Variants in MBOAT1 observed in about 807,000 individuals in gnomAD.
MBOAT1 encodes the protein membrane-bound glycerophospholipid O-acyltransferase 1.
Under a neutral mutation model 64.4 loss-of-function variants are expected in MBOAT1, and 67 were observed. The observed-to-expected ratio is 1.04, with a 90% CI of 0.85 to 1.27. The LOEUF (loss-of-function observed/expected upper bound fraction) is 1.27. Ranked by LOEUF, MBOAT1 falls within the 50% of genes most tolerant of loss-of-function variation. MBOAT1 has a pLI of 0.00. For missense variants in MBOAT1, 563 were observed against 604.6 expected (o/e 0.93, Z 0.72); for synonymous variants, 229 against 218.9 (o/e 1.05, Z -0.41).
chr6:20,206,615 C>G (rs573083705), intron 1 of MBOAT1, among the ~76,000 whole-genome samples: 4 of 152,198 alleles, frequency 2.6e-5, no homozygotes, highest in Non-Finnish European at 5.9e-5. Context: ...GGTCACACCC[C>G]CTCTGCTCCC....
chr6:20,181,622 C>G (rs1422365062), intron 1 of MBOAT1, among the ~76,000 whole-genome samples: 1 of 152,220 alleles, frequency 6.6e-6, no homozygotes, highest in Non-Finnish European at 1.5e-5. Context: ...TATCCACCTT[C>G]TAGAGAAAGA....
At chr6:20,150,039 T>C (rs1761443706) in intron 3 of MBOAT1, among the ~76,000 whole-genome samples, 2 of 152,200 alleles carry the variant, frequency 1.3e-5, no homozygotes, top group Non-Finnish European at 2.9e-5. Context: ...GAGAGAAATC[T>C]TTGTTTTCAT....
chr6:20,104,190 T>G (rs1759885555), intron 12 of MBOAT1, among the ~76,000 whole-genome samples: 2 of 152,216 alleles, frequency 1.3e-5, no homozygotes, highest in South Asian at 4.1e-4. Context: ...CTATCTAGTT[T>G]GTGCAAGTAC....
At chr6:20,207,132 G>A (rs1170598894) in intron 1 of MBOAT1, among the ~76,000 whole-genome samples, 2 of 152,236 alleles carry the variant, frequency 1.3e-5, no homozygotes, top group Non-Finnish European at 2.9e-5. Context: ...ATACTTGACA[G>A]TAGGTTGATT....
At chr6:20,117,056 G>T (rs1010684963) in intron 9 of MBOAT1, among the ~76,000 whole-genome samples, 1 of 152,218 alleles carries the variant, frequency 6.6e-6, no homozygotes, top group Non-Finnish European at 1.5e-5. Flanking sequence ...ACTGAGACAG[G>T]TCATTCTGAA....
At chr6:20,136,606 C>T (rs953834756) in intron 4 of MBOAT1, among the ~76,000 whole-genome samples, 1 of 152,148 alleles carries the variant, frequency 6.6e-6, no homozygotes, top group African/African-American at 2.4e-5. Flanking sequence ...ACACTGTCCA[C>T]GGAACAATAG....
In MBOAT1 at chr6:20,102,412, C is replaced by T. The variant is rs758459546; in HGVS notation, c.1362G>A (p.Lys454=). ...TGATGTGCAAATAAAAGTACATGGA[C>T]CTGGGAATAAAAATATACAAAAATT... The part of the protein sequence containing the change: ...LAVEPTISLY[K]SMYFYLHIIS... The change falls in exon 13 of 13, where the codon AAG becomes AAA. Residue 454 remains lysine, a splice_region_variant and synonymous_variant. Transcript: ENST00000324607. 3 of 1,596,322 alleles carry T rather than the reference C, an allele frequency of 1.9e-6. No homozygotes were observed. The Admixed American group carries it at 5.2e-5, about 28-fold the overall frequency.
intron 1 of MBOAT1, among the ~76,000 whole-genome samples, chr6:20,155,363 C>A (rs1363572117): frequency 3.3e-5 from 5 of 152,162 alleles, no homozygotes; most frequent in Non-Finnish European, 7.3e-5. Context: ...TATGTTCCCT[C>A]CCTTCAAGGA....
At chr6:20,149,049 C>T (rs1050201742) in intron 3 of MBOAT1, among the ~76,000 whole-genome samples, 11 of 148,600 alleles carry the variant, frequency 7.4e-5, no homozygotes, top group East Asian at 2.0e-4. Flanking sequence ...TGCAGTAAGC[C>T]GAGATCACAT....
intron 1 of MBOAT1, among the ~76,000 whole-genome samples, chr6:20,164,726 G>T (rs934892389): frequency 6.6e-6 from 1 of 152,178 alleles, no homozygotes; most frequent in Non-Finnish European, 1.5e-5. Context: ...CAACCGGGAA[G>T]AAAGAGGCAG....
intron 1 of MBOAT1, among the ~76,000 whole-genome samples, chr6:20,163,817 A>C (rs1047273939): frequency 6.6e-6 from 1 of 152,022 alleles, no homozygotes; most frequent in Non-Finnish European, 1.5e-5. Flanking sequence ...TGGGGTACAG[A>C]GGGTCAGAAG....
chr6:20,198,153 G>A (rs998267612), intron 1 of MBOAT1, among the ~76,000 whole-genome samples: 1 of 151,468 alleles, frequency 6.6e-6, no homozygotes, highest in East Asian at 1.9e-4. Context: ...ACTTGAACCC[G>A]GGAGGCAGAG....
At chr6:20,106,826 C>T (rs904160456) in intron 12 of MBOAT1, among the ~76,000 whole-genome samples, 6 of 152,086 alleles carry the variant, frequency 3.9e-5, no homozygotes, top group African/African-American at 1.4e-4. Context: ...CTAAAATAGG[C>T]CTACTTGACC....
chr6:20,128,600 C>A (rs1287417266), intron 6 of MBOAT1, 99 bp downstream of exon 6: 3 of 803,626 alleles, frequency 3.7e-6, no homozygotes, highest in African/African-American at 1.8e-5. Flanking sequence ...GATATTATAT[C>A]CATAGAACAG....
Position 20,115,198 on chromosome 6 carries a change from C to T in MBOAT1, c.1076+90G>A, listed in dbSNP as rs972906335. ...AAAACAAGAGTGTCAGATGACATTG[C>T]CACAGGCAGACTCCCACTGTTCATC... On this transcript the variant is annotated intron_variant, in intron 10 of 12. Coordinates refer to ENST00000324607, the MANE Select transcript of MBOAT1 (RefSeq NM_001080480.3). 5.4e-6 allele frequency: 5 copies of T among 927,230 alleles called. No homozygotes were observed. In the African/African-American group the frequency reaches 8.2e-5, roughly 15 times the overall value. The allele number at this position is 927,230 out of a possible 1,614,324, so 57.4% of individuals were successfully genotyped here. A position where few individuals can be genotyped will look rare whatever the true frequency, so the allele number is the denominator to read the frequency against.
intron 9 of MBOAT1, among the ~76,000 whole-genome samples, chr6:20,116,920 A>G (rs1760335294): frequency 6.6e-6 from 1 of 152,196 alleles, no homozygotes; most frequent in Admixed American, 6.5e-5. Flanking sequence ...CAGCCAGTCC[A>G]TGAGTTTGGA....
intron 4 of MBOAT1, among the ~76,000 whole-genome samples, chr6:20,137,848 A>T (rs1023827743): frequency 2.0e-5 from 3 of 152,224 alleles, no homozygotes; most frequent in African/African-American, 7.2e-5. Context: ...GTTTGCATGC[A>T]TGCTCAAAAG....
intron 1 of MBOAT1, among the ~76,000 whole-genome samples, chr6:20,197,599 AT>A (rs1239725834): frequency 2.0e-5 from 3 of 152,164 alleles, no homozygotes; most frequent in African/African-American, 7.2e-5. Context: ...AGAATGCAAC[AT>A]TTGTCTCTTA....
Position 20,174,653 on chromosome 6 carries a change from G to A in MBOAT1, c.100-21884C>T, listed in dbSNP as rs191954704. Among the ~76,000 whole-genome samples, 7 of 152,304 alleles carry A rather than the reference G, an allele frequency of 4.6e-5. No individual in the cohort carries two copies. In the East Asian group the frequency reaches 1.2e-3, roughly 25 times the overall value. ...TTTACACCAGCATCACTACAAACAC[G>A]TGAGCAATGTGTGCTGTGACATTAC... is the stretch of plus-strand genomic sequence containing the variant. On this transcript the variant is annotated intron_variant, in intron 1 of 12. Transcript: ENST00000324607.
Sources: allele counts gnomAD v4.1 joint callset (sites outside exome capture counted in the v4.1 genomes callset), GRCh38; gene constraint gnomAD v4.1.1; transcripts MANE v1.5; gene names NCBI Gene and HGNC (gene_info 2026-07-23, HGNC 2026-07-21).